Variants in SHLD2 observed in about 807,000 individuals in gnomAD.
SHLD2 encodes shieldin complex subunit 2.
In SHLD2, 30 loss-of-function variants were observed where a neutral mutation model predicts 73.2. The ratio of observed to expected loss-of-function variants is 0.41; its 90% CI spans 0.31 to 0.56. The LOEUF is 0.56. Ranked by LOEUF, SHLD2 falls within the 20% of genes least tolerant of loss-of-function variation. The pLI is 0.28. For missense variants in SHLD2, 745 were observed against 1,055.9 expected (o/e 0.71, Z 4.08); for synonymous variants, 285 against 370.1 (o/e 0.77, Z 2.64).
chr10:87,134,094 A>G (rs1844624987), intron 2 of SHLD2, among the ~76,000 whole-genome samples: 1 of 152,220 alleles, frequency 6.6e-6, no homozygotes, highest in African/African-American at 2.4e-5. Flanking sequence ...AACTGCTTTG[A>G]AAAGATGACT....
intron 3 of SHLD2, among the ~76,000 whole-genome samples, chr10:87,157,039 T>C (rs1846481592): frequency 6.6e-6 from 1 of 152,112 alleles, no homozygotes; most frequent in African/African-American, 2.4e-5. Context: ...AGGTGGGGGC[T>C]GGTGGCAAGG....
intron 8 of SHLD2, among the ~76,000 whole-genome samples, chr10:87,182,161 A>G (rs912409648): frequency 1.3e-5 from 2 of 152,376 alleles, no homozygotes; most frequent in East Asian, 1.9e-4. Context: ...GTTATCAAGT[A>G]TGTGACTCCA....
intron 4 of SHLD2, among the ~76,000 whole-genome samples, chr10:87,169,641 C>T (rs186800225): frequency 5.8e-4 from 88 of 151,376 alleles, no homozygotes; most frequent in African/African-American, 2.0e-3. Flanking sequence ...AGCAATCAAT[C>T]ACGTACTCAA....
intron 2 of SHLD2, among the ~76,000 whole-genome samples, chr10:87,134,822 T>G (rs900656205): frequency 2.0e-5 from 3 of 152,182 alleles, no homozygotes; most frequent in Non-Finnish European, 2.9e-5. Flanking sequence ...TGAGTGAAAC[T>G]GCTCTAATTC....
At chr10:87,100,051 T>C (rs1177788128) in intron 2 of SHLD2, among the ~76,000 whole-genome samples, 1 of 152,200 alleles carries the variant, frequency 6.6e-6, no homozygotes, top group Non-Finnish European at 1.5e-5. Flanking sequence ...ATCCATTCTT[T>C]AGGTTATATT....
upstream of SHLD2, chr10:87,094,525 T>C (rs1841664403): frequency 6.2e-7 from 1 of 1,612,912 alleles, no homozygotes; most frequent in Non-Finnish European, 8.5e-7. This position sits in a 1 kb window ranked among gnomAD's most constrained non-coding sequence, Gnocchi z 6.6. Context: ...CAGCTTGTCC[T>C]CCACGATGCT....
At chr10:87,145,637 G>A (rs1287320784) in intron 2 of SHLD2, among the ~76,000 whole-genome samples, 1 of 151,538 alleles carries the variant, frequency 6.6e-6, no homozygotes, top group Non-Finnish European at 1.5e-5. Flanking sequence ...TACATGTTTT[G>A]TAATAAGCAT....
chr10:87,180,698 G>A (rs1848249830), intron 8 of SHLD2, among the ~76,000 whole-genome samples: 1 of 152,142 alleles, frequency 6.6e-6, no homozygotes, highest in Non-Finnish European at 1.5e-5. Flanking sequence ...GACATTTAAG[G>A]TGTTTTCCCA....
At chr10:87,184,029 T>C (rs573998144) in intron 8 of SHLD2, among the ~76,000 whole-genome samples, 22 of 152,368 alleles carry the variant, frequency 1.4e-4, no homozygotes, top group Admixed American at 1.0e-3. Context: ...TCAAATTCTT[T>C]GCTTGACGTC....
rs1841941403 is a variant in SHLD2, at chr10:87,096,959, C to G, written c.-36C>G. The G allele has an allele frequency of 1.3e-5, 2 of 152,144 alleles. No homozygotes were observed. Among genetic ancestry groups the G allele is most frequent in the African/African-American group, 4.8e-5 (2 of 41,426 alleles). The allele number at this position is 152,144 out of a possible 1,614,324, so 9.4% of individuals were successfully genotyped here. On this transcript the variant is annotated 5_prime_UTR_variant, in exon 2 of 10. Transcript: ENST00000298786. ...TGAAAAATGTACTCTGACCTGAATC[C>G]TGAATTTTCCTTGATGGTCAAAAGA...
chr10:87,151,919 A>C lies in SHLD2; in HGVS notation c.565A>C (p.Ile189Leu), dbSNP rs748893473. The C allele has an allele frequency of 6.2e-7, 1 of 1,611,218 alleles. No homozygotes were observed. Among genetic ancestry groups the C allele is most frequent in the Non-Finnish European group, 8.5e-7 (1 of 1,179,390 alleles). ...GGTTTGTAGTACTGAAAAAATTAAT[A>C]TAGGGCCTGAAGTGGTACAAAGAGA... is the stretch of plus-strand genomic sequence containing the variant. Reference protein sequence around the residue: ...DLVCSTEKINIGPEVVQRECV... With the variant: ...DLVCSTEKINLGPEVVQRECV... Residue 189 changes from isoleucine (I) to leucine (L), a missense_variant, in exon 3 of 10, where the codon ATA (isoleucine) becomes CTA (leucine). Ile to Leu is a conservative substitution (Grantham distance 5, BLOSUM62 2). This residue lies in a region of SHLD2 where 280 missense variants were observed against 353.9 expected (regional missense o/e 0.79). Transcript: ENST00000298786.
chr10:87,107,130 A>G (rs957630229), intron 2 of SHLD2, among the ~76,000 whole-genome samples: 3 of 150,356 alleles, frequency 2.0e-5, no homozygotes, highest in Non-Finnish European at 4.4e-5. Context: ...TGTAGGATAA[A>G]GGCCAGGTGC....
At chr10:87,108,609 T>A (rs1338047039) in intron 2 of SHLD2, among the ~76,000 whole-genome samples, 1 of 152,208 alleles carries the variant, frequency 6.6e-6, no homozygotes, top group Non-Finnish European at 1.5e-5. Context: ...TTGGCCAACT[T>A]CATTTCTAAA....
At chr10:87,099,660 G>A (rs1842140797) in intron 2 of SHLD2, among the ~76,000 whole-genome samples, 2 of 152,140 alleles carry the variant, frequency 1.3e-5, no homozygotes, top group African/African-American at 4.8e-5. Flanking sequence ...TCTTGGGTGC[G>A]TTTATACCTA....
intron 2 of SHLD2, among the ~76,000 whole-genome samples, chr10:87,129,986 AT>A (rs1339407532): frequency 1.3e-5 from 2 of 152,014 alleles, no homozygotes; most frequent in African/African-American, 4.8e-5. Context: ...GACATCAGAA[AT>A]TCCTGCTAAT....
At chr10:87,178,526 T>C (rs1848096868) in intron 7 of SHLD2, among the ~76,000 whole-genome samples, 1 of 151,264 alleles carries the variant, frequency 6.6e-6, no homozygotes, top group African/African-American at 2.4e-5. Flanking sequence ...ACCAGCCTGG[T>C]CAACATGGCA....
At chr10:87,097,719 C>T (rs113268277) in intron 2 of SHLD2, among the ~76,000 whole-genome samples, 8,037 of 151,954 alleles carry the variant, frequency 0.053, 394 homozygotes, top group African/African-American at 0.14. Flanking sequence ...TCATGAGTAC[C>T]CTATAAAACA....
intron 2 of SHLD2, among the ~76,000 whole-genome samples, chr10:87,142,915 ATTTTTACT>A (rs1845302296): frequency 1.3e-5 from 1 of 79,820 alleles, no homozygotes; most frequent in African/African-American, 4.7e-5. Flanking sequence ...AGTCCTTTTT[ATTTTTACT>A]TTTTTTTTTT....
intron 2 of SHLD2, among the ~76,000 whole-genome samples, chr10:87,131,793 C>T (rs1275304645): frequency 1.3e-5 from 2 of 152,166 alleles, no homozygotes; most frequent in East Asian, 3.9e-4. Context: ...AACTGCCAAT[C>T]TGTTTTCCTC....
Sources: gnomAD v4.1 joint callset for allele counts (sites outside exome capture counted in the v4.1 genomes callset) on GRCh38, gnomAD v4.1.1 for gene constraint, gnomAD v4.1.1 regional missense constraint, Gnocchi (gnomAD v3.1) non-coding constraint, MANE v1.5 for transcripts, NCBI Gene and HGNC (gene_info 2026-07-23, HGNC 2026-07-21) for gene names.